The following PTP4A3 variants were observed in gnomAD, a reference collection of about 807,000 sequenced individuals.
The protein encoded by PTP4A3 is protein tyrosine phosphatase type IVA 3.
PTP4A3 carries 9 observed loss-of-function variants against 15.2 expected under a neutral mutation model. The ratio of observed to expected loss-of-function variants is 0.59; its 90% CI spans 0.36 to 1.03. The LOEUF (loss-of-function observed/expected upper bound fraction) is 1.03. Among genes scored for constraint, PTP4A3 ranks in the 50% least tolerant of loss-of-function variants. The pLI is 0.02. For synonymous variants in PTP4A3, 95 were observed against 102.0 expected, an observed-to-expected ratio of 0.93 and a Z score of 0.41; for missense variants, 234 against 252.1, an observed-to-expected ratio of 0.93 and a Z score of 0.49.
chr8:141,430,439 A>G (rs1389212338), intron 5 of PTP4A3, among the ~76,000 whole-genome samples: 1 of 149,982 alleles, frequency 6.7e-6, no homozygotes, highest in East Asian at 2.0e-4. Context: ...CGCATAGCCC[A>G]GGTCCCCGCT....
chr8:141,429,267 C>T (rs951599956), intron 5 of PTP4A3, among the ~76,000 whole-genome samples: 3 of 152,252 alleles, frequency 2.0e-5, no homozygotes, highest in Non-Finnish European at 4.4e-5. Context: ...GGCAGAGACT[C>T]CTCGCGCTAC....
chr8:141,428,896 A>T (rs563855289), intron 5 of PTP4A3, among the ~76,000 whole-genome samples: 1 of 152,300 alleles, frequency 6.6e-6, no homozygotes, highest in South Asian at 2.1e-4. Flanking sequence ...AGGCATGTAC[A>T]CACGTGTGCA....
chr8:141,430,481 A>C (rs1833816495), intron 5 of PTP4A3, among the ~76,000 whole-genome samples: 1 of 152,196 alleles, frequency 6.6e-6, no homozygotes, highest in Admixed American at 6.5e-5. Context: ...TGGTGGGGAC[A>C]GGGTGAGCAT....
chr8:141,416,336 G>T (rs1026775069), intron 1 of PTP4A3, among the ~76,000 whole-genome samples: 1 of 152,178 alleles, frequency 6.6e-6, no homozygotes, highest in Non-Finnish European at 1.5e-5. Context: ...CTGCCTTCTG[G>T]CTGTGTGACT....
chr8:141,418,040 G>C (rs1335540869), intron 1 of PTP4A3, among the ~76,000 whole-genome samples: 1 of 152,018 alleles, frequency 6.6e-6, no homozygotes, highest in Non-Finnish European at 1.5e-5. Flanking sequence ...AGGTGGGGAC[G>C]CGGCGGACCC....
chr8:141,422,513 A>G (rs1340406840), intron 2 of PTP4A3, among the ~76,000 whole-genome samples, 168 bp downstream of exon 2: 4 of 151,612 alleles, frequency 2.6e-5, no homozygotes, highest in African/African-American at 7.3e-5. Flanking sequence ...GAGGAGGGAG[A>G]TGGGGGTGCC....
chr8:141,426,601 AC>A, intron 3 of PTP4A3: 3 of 985,354 alleles, frequency 3.0e-6, no homozygotes, highest in Non-Finnish European at 3.6e-6. Context: ...AGGGATTGTG[AC>A]CCCAGAACCA....
intron 2 of PTP4A3, 65 bp from the exon 3 acceptor site, chr8:141,424,983 G>T: frequency 1.4e-6 from 2 of 1,379,852 alleles, no homozygotes; most frequent in African/African-American, 1.4e-5. Context: ...CCTGGTGAGT[G>T]GGTCCTGCCC....
intron 1 of PTP4A3, among the ~76,000 whole-genome samples, chr8:141,415,347 C>G (rs1206056779): frequency 6.6e-6 from 1 of 151,736 alleles, no homozygotes; most frequent in Non-Finnish European, 1.5e-5. Context: ...TCTCCGTGCG[C>G]CATCCCCCTC....
chr8:141,426,721 T>C (rs1833591478), intron 3 of PTP4A3: 1 of 961,560 alleles, frequency 1.0e-6, no homozygotes, highest in Non-Finnish European at 1.2e-6. Context: ...AGGGGATAGC[T>C]GCAGTGTACA....
chr8:141,398,417 C>A (rs1389195061), intron 1 of PTP4A3, among the ~76,000 whole-genome samples: 2 of 152,154 alleles, frequency 1.3e-5, no homozygotes, highest in Non-Finnish European at 2.9e-5. Context: ...TGGGAACACC[C>A]CAGACTCAGC....
intron 1 of PTP4A3, among the ~76,000 whole-genome samples, chr8:141,419,224 C>T (rs71516620): frequency 0.095 from 14,505 of 152,270 alleles, 987 homozygotes; most frequent in Non-Finnish European, 0.15. Flanking sequence ...GGCAGCAGGT[C>T]CAGGCCACGT....
At position 141,425,495 on chromosome 8, in the gene PTP4A3, T is replaced by TGGGCGGCTGGGGCCCTGTTGCC. The variant is rs1833526567; in HGVS notation, c.198+356_198+377dup. Reference sequence around the variant, plus strand: ...TTGGGTGCATCTCAGTCTTGCTGCCTGGGCGGCTGGGGCCCTGTTGCCAGG... The same window carrying TGGGCGGCTGGGGCCCTGTTGCC: ...TTGGGTGCATCTCAGTCTTGCTGCCTGGGCGGCTGGGGCCCTGTTGCCGGGCGGCTGGGGCCCTGTTGCCAGG... On this transcript the variant is annotated intron_variant, in intron 3 of 5. Coordinates refer to ENST00000521578, the MANE Select transcript of PTP4A3 (RefSeq NM_032611.3). The surrounding 1 kb of genome is among the most constrained non-coding windows in gnomAD (Gnocchi z 4.2). Among the ~76,000 whole-genome samples, 1 of 150,708 alleles carries TGGGCGGCTGGGGCCCTGTTGCC rather than the reference T, an allele frequency of 6.6e-6. No homozygotes were observed. The highest frequency in any genetic ancestry group is 2.0e-4 in the East Asian group (1 of 5,056).
At chr8:141,414,772 G>A (rs1030917797) in intron 1 of PTP4A3, among the ~76,000 whole-genome samples, 5 of 152,038 alleles carry the variant, frequency 3.3e-5, no homozygotes, top group Non-Finnish European at 7.4e-5. Context: ...CTCTGCCCCA[G>A]GAGGTAGAGT....
At chr8:141,408,125 G>C (rs1563727927) in intron 1 of PTP4A3, among the ~76,000 whole-genome samples, 1 of 152,188 alleles carries the variant, frequency 6.6e-6, no homozygotes, top group Admixed American at 6.5e-5. Context: ...AGGGCCACGT[G>C]GTGTGTGAGG....
At chr8:141,410,182 T>C (rs1283499128) in intron 1 of PTP4A3, among the ~76,000 whole-genome samples, 1 of 152,172 alleles carries the variant, frequency 6.6e-6, no homozygotes, top group Admixed American at 6.5e-5. Flanking sequence ...GGCCCCAGGA[T>C]CACAGAAGTG....
At chr8:141,396,076 G>A (rs1429937272) in intron 1 of PTP4A3, among the ~76,000 whole-genome samples, 1 of 152,204 alleles carries the variant, frequency 6.6e-6, no homozygotes, top group South Asian at 2.1e-4. Flanking sequence ...CACCCCTGCC[G>A]TGACTGTAAC....
chr8:141,414,186 A>G (rs6578175), intron 1 of PTP4A3, among the ~76,000 whole-genome samples: 72,136 of 152,176 alleles, frequency 0.47, 21,637 homozygotes, highest in African/African-American at 0.85. Flanking sequence ...CCTGGGAGGT[A>G]AGGCATGAGC....
rs1047261160 is a variant in PTP4A3 at position 141,392,027 on chromosome 8, G to C, written c.-911G>C. The C allele has an allele frequency of 6.8e-6, 1 of 146,824 alleles. No individual in the cohort carries two copies. The highest frequency in any genetic ancestry group is 1.5e-5 in the Non-Finnish European group (1 of 65,948). The allele number at this position is 146,824 out of a possible 1,614,324, so 9.1% of individuals were successfully genotyped here. A position where few individuals can be genotyped will look rare whatever the true frequency, so the allele number is the denominator to read the frequency against. On this transcript the variant is annotated 5_prime_UTR_variant, in exon 1 of 6. Transcript: ENST00000521578. ...TGGAGCCGCGGCCGCGCCTGTGCGC[G>C]AGGGCGCGCGCGTCCCGAGCCCTCC... is the stretch of plus-strand genomic sequence containing the variant.
Sources: gnomAD v4.1 joint callset for allele counts (sites outside exome capture counted in the v4.1 genomes callset) on GRCh38, gnomAD v4.1.1 for gene constraint, Gnocchi (gnomAD v3.1) non-coding constraint, MANE v1.5 for transcripts, NCBI Gene and HGNC (gene_info 2026-07-23, HGNC 2026-07-21) for gene names.